Variants in MNAT1 observed in about 807,000 individuals in gnomAD.
MNAT1 encodes the protein MNAT1 component of CDK activating kinase, also known as CDK-activating kinase assembly factor MAT1.
MNAT1 carries 43 observed loss-of-function variants against 42.0 expected under a neutral mutation model. That is an observed-to-expected ratio of 1.02 (90% confidence interval 0.80 to 1.32). The LOEUF is 1.32. MNAT1 is among the 40% of genes most tolerant of loss of function. MNAT1 has a pLI of 0.00. For synonymous variants in MNAT1, 118 were observed against 120.0 expected, an observed-to-expected ratio of 0.98 and a Z score of 0.11; for missense variants, 306 against 350.4, an observed-to-expected ratio of 0.87 and a Z score of 1.01.
At chr14:60,939,910 G>A (rs527627347) in intron 7 of MNAT1, among the ~76,000 whole-genome samples, 1 of 152,254 alleles carries the variant, frequency 6.6e-6, no homozygotes, top group South Asian at 2.1e-4. Flanking sequence ...ATGAATCTGG[G>A]TGCTCCTGTA....
chr14:60,966,047 T>G (rs1594918278), intron 7 of MNAT1, among the ~76,000 whole-genome samples: 1 of 152,300 alleles, frequency 6.6e-6, no homozygotes, highest in East Asian at 1.9e-4. Flanking sequence ...CAGATAACTT[T>G]ATGGCCATGG....
chr14:60,833,961 G>A (rs78591291), intron 6 of MNAT1, among the ~76,000 whole-genome samples: 1,835 of 152,176 alleles, frequency 0.012, 12 homozygotes, highest in Non-Finnish European at 0.018. Context: ...GTTTATCTTC[G>A]TAGAGGTGTT....
Position 60,812,093 on chromosome 14 carries a change from A to C in MNAT1, c.527A>C (p.Lys176Thr). The change falls in exon 5 of 8, where the codon AAA becomes ACA. Residue 176 changes from lysine to threonine, a missense_variant. By Grantham distance (78) the Lys-to-Thr change is moderately conservative (BLOSUM62 -1). This residue lies in a region of MNAT1 where 118 missense variants were observed against 99.8 expected (regional missense o/e 1.18). Transcript: ENST00000261245. ...GAAGAACAACTGCAGCAGATTCTAA[A>C]AAGGAAGAATAAGCAGGCTTTTTTA... ...QKEEQLQQILKRKNKQAFLDE... is the reference protein window; with the variant it reads ...QKEEQLQQILTRKNKQAFLDE... The C allele has an allele frequency of 6.3e-7, 1 of 1,590,702 alleles. No individual in the cohort carries two copies. Among genetic ancestry groups the C allele is most frequent in the Non-Finnish European group, 8.5e-7 (1 of 1,171,610 alleles).
At chr14:60,794,015 AT>A (rs1245239925) in intron 1 of MNAT1, among the ~76,000 whole-genome samples, 3 of 152,166 alleles carry the variant, frequency 2.0e-5, no homozygotes, top group Non-Finnish European at 2.9e-5. Flanking sequence ...ATTATGTCTA[AT>A]ATACAATATA....
At chr14:60,835,286 T>C (rs2139391103) in intron 6 of MNAT1, among the ~76,000 whole-genome samples, 1 of 152,278 alleles carries the variant, frequency 6.6e-6, no homozygotes, top group Non-Finnish European at 1.5e-5. Context: ...AATTTGATCC[T>C]GTCATGATGC....
intron 6 of MNAT1, among the ~76,000 whole-genome samples, chr14:60,854,356 G>A (rs569551286): frequency 6.6e-6 from 1 of 152,178 alleles, no homozygotes; most frequent in Non-Finnish European, 1.5e-5. Flanking sequence ...GAGAGGAGTT[G>A]TAATCATTTG....
At chr14:60,799,082 A>C (rs1185367609) in intron 3 of MNAT1, among the ~76,000 whole-genome samples, 4 of 152,170 alleles carry the variant, frequency 2.6e-5, no homozygotes, top group Admixed American at 6.5e-5. Flanking sequence ...AATCCAGAAA[A>C]TCTTTTTGTT....
chr14:60,757,982 G>A (rs1208736854), intron 1 of MNAT1, among the ~76,000 whole-genome samples: 1 of 152,158 alleles, frequency 6.6e-6, no homozygotes, highest in Non-Finnish European at 1.5e-5. Flanking sequence ...TATGATGAGT[G>A]TTGTTGGAAC....
intron 7 of MNAT1, among the ~76,000 whole-genome samples, chr14:60,901,497 A>G (rs1284823689): frequency 6.6e-6 from 1 of 152,198 alleles, no homozygotes; most frequent in Non-Finnish European, 1.5e-5. Flanking sequence ...TATAGCTGCC[A>G]TAGATAGTGA....
chr14:60,744,353 A>G (rs767628892), intron 1 of MNAT1, among the ~76,000 whole-genome samples: 51 of 152,200 alleles, frequency 3.4e-4, no homozygotes, highest in South Asian at 6.2e-4. Flanking sequence ...GCTGGTCCCA[A>G]GCTCTTGACC....
At chr14:60,878,434 G>C (rs1180230262) in intron 6 of MNAT1, among the ~76,000 whole-genome samples, 1 of 152,082 alleles carries the variant, frequency 6.6e-6, no homozygotes, top group Non-Finnish European at 1.5e-5. Context: ...GGACTGTAAG[G>C]TGGATACCTA....
At chr14:60,880,758 A>G (rs552983166) in intron 7 of MNAT1, among the ~76,000 whole-genome samples, 1 of 152,306 alleles carries the variant, frequency 6.6e-6, no homozygotes, top group East Asian at 1.9e-4. Flanking sequence ...CATTTAAATG[A>G]TATTTAATAT....
In MNAT1 at chr14:60,891,456, GTTTT is replaced by G. The variant is rs551603665; in HGVS notation, c.809+11628_809+11631del. Among the ~76,000 whole-genome samples the G allele has an allele frequency of 2.1e-5, 3 of 145,620 alleles. No individual in the cohort carries two copies. The East Asian group carries it at 5.9e-4, about 29-fold the overall frequency. ...ATTTAAGACTTTTCTTGTTTTGTTT[GTTTT>G]TTTTTTGAGACAAAGTCTTGCTGCT... On this transcript the variant is annotated intron_variant, in intron 7 of 7. Coordinates refer to ENST00000261245, the MANE Select transcript of MNAT1 (RefSeq NM_002431.4).
intron 7 of MNAT1, among the ~76,000 whole-genome samples, chr14:60,929,051 G>A (rs898775368): frequency 6.7e-6 from 1 of 149,900 alleles, no homozygotes; most frequent in Non-Finnish European, 1.5e-5. Context: ...GAAGGCTGAG[G>A]CAGGAGAATC....
intron 6 of MNAT1, among the ~76,000 whole-genome samples, chr14:60,863,103 A>G (rs1440482606): frequency 6.6e-6 from 1 of 152,196 alleles, no homozygotes; most frequent in Non-Finnish European, 1.5e-5. Flanking sequence ...AGTCTTATAC[A>G]GTATGATTCT....
intron 7 of MNAT1, among the ~76,000 whole-genome samples, chr14:60,965,073 A>G (rs1361473002): frequency 6.6e-6 from 1 of 152,214 alleles, no homozygotes; most frequent in African/African-American, 2.4e-5. Flanking sequence ...AGAGATCAAA[A>G]ACAGCAAAGT....
At chr14:60,900,891 G>A (rs2035058542) in intron 7 of MNAT1, among the ~76,000 whole-genome samples, 1 of 151,714 alleles carries the variant, frequency 6.6e-6, no homozygotes, top group Non-Finnish European at 1.5e-5. Context: ...GGAGGCTGAG[G>A]TGGGAGAATC....
intron 1 of MNAT1, among the ~76,000 whole-genome samples, chr14:60,757,296 C>T (rs1209921379): frequency 2.0e-5 from 3 of 152,104 alleles, no homozygotes; most frequent in African/African-American, 7.2e-5. Context: ...GGTGATAATT[C>T]CAAGTTATAT....
intron 7 of MNAT1, among the ~76,000 whole-genome samples, chr14:60,928,424 A>G (rs924944456): frequency 6.6e-6 from 1 of 152,218 alleles, no homozygotes; most frequent in African/African-American, 2.4e-5. Context: ...TTAACTTTTC[A>G]GAAGCTGCCA....
Sources: allele counts gnomAD v4.1 joint callset (sites outside exome capture counted in the v4.1 genomes callset), GRCh38; gene constraint gnomAD v4.1.1; regional missense constraint gnomAD v4.1.1; transcripts MANE v1.5; gene names NCBI Gene and HGNC (gene_info 2026-07-23, HGNC 2026-07-21).